The following LRP6 variants were observed in gnomAD, a reference collection of about 807,000 sequenced individuals.
The protein encoded by LRP6 is low-density lipoprotein receptor-related protein 6.
LRP6 carries 43 observed loss-of-function variants against 184.1 expected under a neutral mutation model. The observed-to-expected ratio is 0.23, with a 90% CI of 0.18 to 0.30. The LOEUF (loss-of-function observed/expected upper bound fraction) is 0.30, where lower values mean the gene tolerates loss of function less well. Ranked by LOEUF, LRP6 falls within the 10% of genes least tolerant of loss-of-function variation. LRP6 has a pLI of 1.00. For missense variants in LRP6, 1,571 were observed against 2,005.3 expected, an observed-to-expected ratio of 0.78 and a Z score of 4.14; for synonymous variants, 719 against 684.9, an observed-to-expected ratio of 1.05 and a Z score of -0.78.
At chr12:12,258,350 C>T (rs1865523110) in intron 1 of LRP6, among the ~76,000 whole-genome samples, 1 of 152,168 alleles carries the variant, frequency 6.6e-6, no homozygotes, top group African/African-American at 2.4e-5. Context: ...GATCCTCTCG[C>T]CTTGGCCTCC....
intron 18 of LRP6, 49 bp from the exon 19 acceptor site, chr12:12,130,942 T>C (rs1345317269): frequency 3.9e-6 from 4 of 1,035,528 alleles, no homozygotes; most frequent in Non-Finnish European, 6.1e-6. Flanking sequence ...TCATGTAAAG[T>C]CAAACTCTGG....
chr12:12,148,044 A>G, intron 14 of LRP6, among the ~76,000 whole-genome samples: 1 of 149,954 alleles, frequency 6.7e-6, no homozygotes, highest in East Asian at 1.9e-4. Flanking sequence ...CCTCTTTTAT[A>G]TAAATAAATG....
At chr12:12,229,260 C>T (rs1001676537) in intron 2 of LRP6, among the ~76,000 whole-genome samples, 7 of 151,378 alleles carry the variant, frequency 4.6e-5, no homozygotes, top group Non-Finnish European at 1.0e-4. Flanking sequence ...ATCCCAGCTA[C>T]TTGGGAGGCT....
chr12:12,221,378 G>A (rs1864484417), intron 2 of LRP6, among the ~76,000 whole-genome samples: 1 of 152,060 alleles, frequency 6.6e-6, no homozygotes, highest in Admixed American at 6.5e-5. Context: ...TGAATATTAA[G>A]AAACTAGAAT....
intron 19 of LRP6, among the ~76,000 whole-genome samples, chr12:12,128,848 T>C (rs899845511): frequency 6.6e-6 from 1 of 152,168 alleles, no homozygotes; most frequent in South Asian, 2.1e-4. Context: ...TTATCAACTA[T>C]AGCTAAGTGG....
intron 2 of LRP6, among the ~76,000 whole-genome samples, chr12:12,212,176 G>C (rs1436424480): frequency 1.3e-5 from 2 of 151,896 alleles, no homozygotes; most frequent in Non-Finnish European, 2.9e-5. Flanking sequence ...TTTATTTTTT[G>C]TTGTATCCCC....
chr12:12,185,280 C>CT (rs1219578832), intron 4 of LRP6, among the ~76,000 whole-genome samples: 5 of 152,088 alleles, frequency 3.3e-5, no homozygotes, highest in South Asian at 2.1e-4. Context: ...GAGCAAGACT[C>CT]TATCTCAAAA....
intron 3 of LRP6, among the ~76,000 whole-genome samples, chr12:12,189,326 G>A (rs1465307399): frequency 1.3e-5 from 2 of 152,062 alleles, no homozygotes; most frequent in Non-Finnish European, 2.9e-5. Flanking sequence ...TCAGCACTAC[G>A]CTTGCTACTT....
chr12:12,261,132 G>C (rs1208792710), intron 1 of LRP6, among the ~76,000 whole-genome samples: 1 of 152,116 alleles, frequency 6.6e-6, no homozygotes, highest in African/African-American at 2.4e-5. Context: ...CTTAAAAATT[G>C]AATCATGGCC....
intron 3 of LRP6, among the ~76,000 whole-genome samples, chr12:12,195,467 T>G (rs1415610631): frequency 6.6e-6 from 1 of 152,158 alleles, no homozygotes; most frequent in Non-Finnish European, 1.5e-5. Flanking sequence ...GAGCATTTTT[T>G]CATATGTTTG....
In LRP6 at chr12:12,179,980, A is replaced by T; in HGVS notation, c.1375T>A (p.Tyr459Asn). 6.2e-7 allele frequency: 1 copy of T among 1,612,918 alleles called. No individual in the cohort carries two copies. Among genetic ancestry groups the T allele is most frequent in the Non-Finnish European group, 8.5e-7 (1 of 1,178,970 alleles). ...TCTCCCCAGTCAGTCCAATACATGT[A>T]CCTAGAGAAGTATACAAAAAATGAG... The part of the protein sequence containing the change: ...RAIVLDPMVG[Y>N]MYWTDWGEIP... Residue 459 changes from tyrosine (Y) to asparagine (N), a missense_variant and splice_region_variant, in exon 7 of 23, where the codon TAC becomes AAC. By Grantham distance (143) the Tyr-to-Asn change is moderately radical. Around this residue, in one of 4 missense-constraint regions of LRP6, gnomAD observed 640 missense variants for 851.9 expected, o/e 0.75. Coordinates refer to ENST00000261349, the MANE Select transcript of LRP6 (RefSeq NM_002336.3).
chr12:12,126,465 T>A (rs759569618), intron 20 of LRP6, among the ~76,000 whole-genome samples: 1 of 152,212 alleles, frequency 6.6e-6, no homozygotes, highest in Non-Finnish European at 1.5e-5. Context: ...AGAGCTTGCA[T>A]ATGTATTTGC....
At chr12:12,230,665 T>C (rs1029463321) in intron 2 of LRP6, among the ~76,000 whole-genome samples, 2 of 152,200 alleles carry the variant, frequency 1.3e-5, no homozygotes, top group Admixed American at 6.5e-5. Flanking sequence ...CATGAAAGAA[T>C]AGACAATATT....
intron 2 of LRP6, 73 bp from the exon 3 acceptor site, chr12:12,203,473 A>G: frequency 7.6e-7 from 1 of 1,318,840 alleles, no homozygotes; most frequent in Non-Finnish European, 1.1e-6. Context: ...TATTACTATT[A>G]AAGAAAGCTC....
At chr12:12,123,387 G>A (rs1949629889) in intron 22 of LRP6, among the ~76,000 whole-genome samples, 1 of 152,174 alleles carries the variant, frequency 6.6e-6, no homozygotes, top group Non-Finnish European at 1.5e-5. Flanking sequence ...TCACAGCCAA[G>A]GCTATTTCAG....
Position 12,134,503 on chromosome 12 carries a change from T to C in LRP6, c.3733+672A>G, listed in dbSNP as rs190079027. On this transcript the variant is annotated intron_variant, in intron 17 of 22. Transcript: ENST00000261349. ...TTTAACAATGGAATGTATCTATTTG[T>C]TAAACCTGCTAAGTGATTAAACCAA... is the stretch of plus-strand genomic sequence containing the variant. Among the ~76,000 whole-genome samples, 368 of 152,342 alleles carry C rather than the reference T, an allele frequency of 2.4e-3. 1 individual carries two copies. The highest frequency in any genetic ancestry group is 8.6e-3 in the African/African-American group (357 of 41,578).
At chr12:12,235,320 G>T (rs112372434) in intron 2 of LRP6, among the ~76,000 whole-genome samples, 1 of 152,152 alleles carries the variant, frequency 6.6e-6, no homozygotes, top group Non-Finnish European at 1.5e-5. Context: ...TGGAATTGGC[G>T]ATAACATGAA....
At chr12:12,124,798 T>A (rs76938508) in intron 21 of LRP6, 136 bp from the exon 22 acceptor site, 1 of 639,986 alleles carries the variant, frequency 1.6e-6, no homozygotes, top group African/African-American at 1.8e-5. Flanking sequence ...TTCCAAAGAA[T>A]TGACCTCAAA....
intron 1 of LRP6, among the ~76,000 whole-genome samples, chr12:12,253,055 G>A (rs576520646): frequency 3.9e-5 from 6 of 152,214 alleles, no homozygotes; most frequent in East Asian, 3.9e-4. Context: ...CCTGAGGTGA[G>A]GAGTTTGAGA....
Sources: gnomAD v4.1 joint callset for allele counts (sites outside exome capture counted in the v4.1 genomes callset) on GRCh38, gnomAD v4.1.1 for gene constraint, gnomAD v4.1.1 regional missense constraint, MANE v1.5 for transcripts, NCBI Gene and HGNC (gene_info 2026-07-23, HGNC 2026-07-21) for gene names.